Variants in FSTL4 observed in about 807,000 individuals in gnomAD.
FSTL4 encodes the protein follistatin-related protein 4.
Under a neutral mutation model 78.2 loss-of-function variants are expected in FSTL4, and 28 were observed. The observed-to-expected ratio is 0.36, with a 90% CI of 0.27 to 0.49. The LOEUF is 0.49. FSTL4 is among the 20% of genes least tolerant of loss of function. The pLI is 0.98. For synonymous variants in FSTL4, 422 were observed against 440.5 expected (o/e 0.96, Z 0.53); for missense variants, 922 against 1,084.9 (o/e 0.85, Z 2.11).
In FSTL4 at chr5:133,198,909, G is replaced by GA. The variant is rs1348111905; in HGVS notation, c.*185dup. 5 of 473,518 alleles carry GA rather than the reference G, an allele frequency of 1.1e-5. No individual in the cohort carries two copies. The highest frequency in any genetic ancestry group is 1.9e-5 in the African/African-American group (1 of 52,276). The allele number at this position is 473,518 out of a possible 1,614,324, so 29.3% of individuals were successfully genotyped here. A position where few individuals can be genotyped will look rare whatever the true frequency, so the allele number is the denominator to read the frequency against. On this transcript the variant is annotated 3_prime_UTR_variant, in exon 16 of 16. Transcript: ENST00000265342. Reference sequence around the variant, plus strand: ...CAAGGCATAAATCATACTTCCTAACGAAAAAACCCCAATCTTGGTAGCAGC... The same window carrying GA: ...CAAGGCATAAATCATACTTCCTAACGAAAAAAACCCCAATCTTGGTAGCAGC...
chr5:133,266,991 C>G (rs1232793756), intron 6 of FSTL4, among the ~76,000 whole-genome samples: 1 of 152,210 alleles, frequency 6.6e-6, no homozygotes, highest in Admixed American at 6.5e-5. Flanking sequence ...ACAAAGGTCC[C>G]CACAAGTCAC....
intron 6 of FSTL4, among the ~76,000 whole-genome samples, chr5:133,270,427 C>T (rs534788699): frequency 1.5e-4 from 23 of 152,348 alleles, no homozygotes; most frequent in African/African-American, 5.1e-4. Flanking sequence ...CACTGGGATC[C>T]TTTCCTCCCC....
At chr5:133,696,959 C>T in the FSTL4 span, among the ~76,000 whole-genome samples, 33 of 152,326 alleles carry the variant, frequency 2.2e-4, no homozygotes, top group Non-Finnish European at 4.1e-4. Context: ...GGAGAGGAGC[C>T]CCAACACCCT....
intron 2 of FSTL4, among the ~76,000 whole-genome samples, chr5:133,596,474 A>G (rs957708860): frequency 1.3e-5 from 2 of 152,232 alleles, no homozygotes; most frequent in Non-Finnish European, 2.9e-5. Context: ...ACAGTTTTCA[A>G]TCTAGATCCC....
At chr5:133,485,031 C>CT (rs1194396994) in intron 3 of FSTL4, among the ~76,000 whole-genome samples, 1 of 152,190 alleles carries the variant, frequency 6.6e-6, no homozygotes, top group East Asian at 1.9e-4. Flanking sequence ...AGCTCTTCTC[C>CT]TTTTTCTTTG....
chr5:133,810,366 G>C, the FSTL4 span, among the ~76,000 whole-genome samples: 2 of 152,186 alleles, frequency 1.3e-5, no homozygotes, highest in African/African-American at 4.8e-5. Flanking sequence ...CGAAAATTCA[G>C]TTGCCTTTCC....
the FSTL4 span, among the ~76,000 whole-genome samples, chr5:133,798,987 A>G: frequency 6.4e-5 from 7 of 110,188 alleles, no homozygotes; most frequent in Non-Finnish European, 1.9e-5. Flanking sequence ...GGAGGGAGGG[A>G]GGAAGGGAGG....
the FSTL4 span, among the ~76,000 whole-genome samples, chr5:133,755,993 T>C: frequency 4.6e-5 from 7 of 152,088 alleles, no homozygotes; most frequent in Admixed American, 1.3e-4. Flanking sequence ...AGAAGCAAAA[T>C]GCAACACAAC....
chr5:133,636,780 T>C, the FSTL4 span, among the ~76,000 whole-genome samples: 41 of 152,186 alleles, frequency 2.7e-4, no homozygotes, highest in Non-Finnish European at 2.6e-4. Flanking sequence ...AGATGGACTA[T>C]GGTGCAGGGT....
At chr5:133,409,307 CT>C (rs1202308679) in intron 3 of FSTL4, among the ~76,000 whole-genome samples, 8 of 152,228 alleles carry the variant, frequency 5.3e-5, no homozygotes, top group African/African-American at 1.9e-4. Flanking sequence ...AAGGCATCCC[CT>C]GACCTGGGCC....
In FSTL4 at chr5:133,522,470, C is replaced by A. The variant is rs75901444; in HGVS notation, c.160+44716G>T. Among the ~76,000 whole-genome samples, 604 of 152,306 alleles carry A rather than the reference C, an allele frequency of 4.0e-3. 5 individuals carry two copies. The highest frequency in any genetic ancestry group is 0.014 in the African/African-American group (577 of 41,566). On this transcript the variant is annotated intron_variant, in intron 3 of 15. Coordinates refer to ENST00000265342, the MANE Select transcript of FSTL4 (RefSeq NM_015082.2). ...TCACCTTTTCTCATAGCATTATTTT[C>A]TCTCCCTTAATTCATCCTGTTGTTT...
intron 2 of FSTL4, among the ~76,000 whole-genome samples, chr5:133,568,179 G>C (rs560221326): frequency 6.6e-6 from 1 of 152,066 alleles, no homozygotes; most frequent in Non-Finnish European, 1.5e-5. Flanking sequence ...TGGGGGGAAA[G>C]ACTAGAAATG....
At chr5:133,700,365 A>G in the FSTL4 span, among the ~76,000 whole-genome samples, 2 of 150,372 alleles carry the variant, frequency 1.3e-5, no homozygotes, top group African/African-American at 4.9e-5. Flanking sequence ...CCAAAGCACC[A>G]CACCAAACCA....
chr5:133,262,624 G>A (rs114812833), intron 6 of FSTL4, among the ~76,000 whole-genome samples: 3,619 of 152,264 alleles, frequency 0.024, 63 homozygotes, highest in Non-Finnish European at 0.037. Context: ...TTTGCTGCAG[G>A]CTGCACTGCC....
At chr5:133,803,422 C>T in the FSTL4 span, among the ~76,000 whole-genome samples, 1 of 152,142 alleles carries the variant, frequency 6.6e-6, no homozygotes, top group Non-Finnish European at 1.5e-5. Context: ...ATACTTCAAC[C>T]CAACCCCCAG....
At chr5:133,787,330 C>A in the FSTL4 span, among the ~76,000 whole-genome samples, 1 of 152,180 alleles carries the variant, frequency 6.6e-6, no homozygotes, top group Non-Finnish European at 1.5e-5. Context: ...ATTGGGACTA[C>A]AGGGACTGCC....
chr5:133,827,038 G>A, the FSTL4 span, among the ~76,000 whole-genome samples: 2 of 152,232 alleles, frequency 1.3e-5, no homozygotes, highest in African/African-American at 4.8e-5. Flanking sequence ...GCCCAGATGG[G>A]AGCAGGAACT....
chr5:133,555,625 TA>T (rs1447856706), intron 3 of FSTL4, among the ~76,000 whole-genome samples: 1 of 152,176 alleles, frequency 6.6e-6, no homozygotes, highest in African/African-American at 2.4e-5. Context: ...GGGAAAAAAG[TA>T]ATATGCCAGC....
At chr5:133,730,907 T>G in the FSTL4 span, among the ~76,000 whole-genome samples, 1 of 152,166 alleles carries the variant, frequency 6.6e-6, no homozygotes, top group Non-Finnish European at 1.5e-5. Flanking sequence ...CTTAATGCCT[T>G]GGATGTGTCC....
Sources: allele counts gnomAD v4.1 joint callset (sites outside exome capture counted in the v4.1 genomes callset), GRCh38; gene constraint gnomAD v4.1.1; transcripts MANE v1.5; gene names NCBI Gene and HGNC (gene_info 2026-07-23, HGNC 2026-07-21).